CDKL5: variants seen among roughly 807,000 people sequenced by gnomAD.
CDKL5 encodes the protein cyclin-dependent kinase-like 5.
Under a neutral mutation model 61.7 loss-of-function variants are expected in CDKL5, and 8 were observed. That is an observed-to-expected ratio of 0.13 (90% CI 0.08 to 0.23). The LOEUF (loss-of-function observed/expected upper bound fraction) is 0.23. Among genes scored for constraint, CDKL5 ranks in the 10% least tolerant of loss-of-function variants. CDKL5 has a pLI of 1.00. For missense variants in CDKL5, 440 were observed against 734.5 expected, an observed-to-expected ratio of 0.60 and a Z score of 4.63; for synonymous variants, 275 against 272.3, an observed-to-expected ratio of 1.01 and a Z score of -0.10.
At chrX:18,623,433 A>AT (rs895099008) in intron 16 of CDKL5, among the ~76,000 whole-genome samples, 24 of 110,884 alleles carry the variant, frequency 2.2e-4, no homozygotes, top group Non-Finnish European at 7.6e-5. Context: ...GTATGTTGGG[A>AT]TTTTTTTTCT....
chrX:18,459,844 A>G (rs1420511074), intron 1 of CDKL5, among the ~76,000 whole-genome samples: 1 of 102,203 alleles, frequency 9.8e-6, no homozygotes, highest in Non-Finnish European at 2.0e-5. Flanking sequence ...AGCTGGGACT[A>G]CAGGTGCATG....
intron 21 of CDKL5, among the ~76,000 whole-genome samples, chrX:18,651,957 G>GC (rs1475305187): frequency 1.8e-5 from 2 of 109,992 alleles, no homozygotes; most frequent in African/African-American, 6.6e-5. Context: ...CCTCCGCCTG[G>GC]CCCCCCATGC....
At chrX:18,517,027 G>C (rs1602236382) in intron 3 of CDKL5, among the ~76,000 whole-genome samples, 2 of 111,943 alleles carry the variant, frequency 1.8e-5, no homozygotes, top group African/African-American at 3.2e-5. Context: ...GTGAGCACCT[G>C]GCCTGACCTA....
chrX:18,427,609 T>C (rs1405677326), intron 1 of CDKL5, among the ~76,000 whole-genome samples: 3 of 111,589 alleles, frequency 2.7e-5, no homozygotes, highest in Non-Finnish European at 3.8e-5. Context: ...ACATAGTCAA[T>C]GCAGCGATTA....
At chrX:18,484,335 G>T (rs1412395722) in intron 1 of CDKL5, among the ~76,000 whole-genome samples, 1 of 109,684 alleles carries the variant, frequency 9.1e-6, no homozygotes, top group East Asian at 2.9e-4. Flanking sequence ...TTTTGGGGGG[G>T]GGACAGTCTC....
chrX:18,616,974 A>G (rs751246554), intron 15 of CDKL5, among the ~76,000 whole-genome samples: 1 of 111,224 alleles, frequency 9.0e-6, no homozygotes, highest in East Asian at 2.8e-4. Context: ...CTAGCTGTCA[A>G]ACCTGTCCCC....
In CDKL5 at chrX:18,635,725, AAG is replaced by A. The variant is rs1243718895; in HGVS notation, c.*6973_*6974del. 2 of 417,178 alleles carry A rather than the reference AAG, an allele frequency of 4.8e-6. No individual in the cohort carries two copies. Among genetic ancestry groups the A allele is most frequent in the Admixed American group, 1.8e-4 (2 of 10,945 alleles). The allele number at this position is 417,178 out of a possible 1,213,427, so 34.4% of individuals were successfully genotyped here. A position where few individuals can be genotyped will look rare whatever the true frequency, so the allele number is the denominator to read the frequency against. On this transcript the variant is annotated 3_prime_UTR_variant, in exon 18 of 18. Coordinates refer to ENST00000623535, the MANE Select transcript of CDKL5 (RefSeq NM_001323289.2). Reference sequence around the variant, plus strand: ...CACGTGGTAGTTTGAGGAGGATGGGAAGAGAGGCCAATCTTGTGCTAAGTGCT... The same window carrying A: ...CACGTGGTAGTTTGAGGAGGATGGGAAGAGGCCAATCTTGTGCTAAGTGCT...
chrX:18,537,736 T>C (rs1215370190), intron 3 of CDKL5, among the ~76,000 whole-genome samples: 1 of 112,579 alleles, frequency 8.9e-6, no homozygotes, highest in Non-Finnish European at 1.9e-5. Context: ...TCAAGAATGC[T>C]ATTTTAGTGG....
At chrX:18,609,386 C>A in intron 13 of CDKL5, 79 bp from the exon 14 acceptor site, 1 of 1,200,506 alleles carries the variant, frequency 8.3e-7, no homozygotes, top group South Asian at 1.8e-5. Context: ...AGAGTGAGAC[C>A]CTGTCTCAAG....
At chrX:18,652,684 G>A (rs1928105401) in intron 21 of CDKL5, among the ~76,000 whole-genome samples, 1 of 110,936 alleles carries the variant, frequency 9.0e-6, no homozygotes, top group Non-Finnish European at 1.9e-5. Flanking sequence ...AAAAAACTAA[G>A]GGGATCCTTA....
chrX:18,650,944 C>T (rs755648533), intron 21 of CDKL5, among the ~76,000 whole-genome samples: 174 of 112,087 alleles, frequency 1.6e-3, no homozygotes, highest in Non-Finnish European at 2.1e-3. Context: ...TTGTAGAGTT[C>T]GTAGAGCACA....
At chrX:18,527,730 AT>A (rs1014239850) in intron 3 of CDKL5, among the ~76,000 whole-genome samples, 5 of 110,630 alleles carry the variant, frequency 4.5e-5, no homozygotes, top group Admixed American at 9.6e-5. Flanking sequence ...GTAATTAAAA[AT>A]TTTTTTTCTT....
At position 18,509,245 on chromosome X, in the gene CDKL5, A is replaced by ACACACC. The variant is rs796171313; in HGVS notation, c.65-1574_65-1573insACACCC. On this transcript the variant is annotated intron_variant, in intron 2 of 17. Coordinates refer to ENST00000623535, the MANE Select transcript of CDKL5 (RefSeq NM_001323289.2). ...CACACACACACACACACACACACAC[A>ACACACC]CCCCTGTCAAGCAAACTCTGCATTC... is the stretch of plus-strand genomic sequence containing the variant. 6.2e-3 allele frequency among the ~76,000 whole-genome samples: 593 copies of ACACACC among 95,335 alleles called. 19 individuals are homozygous for ACACACC. The highest frequency in any genetic ancestry group is 0.041 in the Admixed American group (328 of 7,983). The allele number at this position is 95,335 out of a possible 115,157, so 82.8% of individuals were successfully genotyped here.
At chrX:18,586,723 G>C (rs1925654699) in intron 8 of CDKL5, among the ~76,000 whole-genome samples, 1 of 111,711 alleles carries the variant, frequency 9.0e-6, no homozygotes. Context: ...AATCATTCCA[G>C]CTGCATAAAT....
rs753399172 is a variant in CDKL5 at position 18,506,223 on chromosome X, G to A, written c.-162-712G>A. ...ACAAAAATATGCCCTAGGCTCCTAT[G>A]GTCCTTCTCCTGCCCCACCCTTGGA... On this transcript the variant is annotated intron_variant, in intron 1 of 17. Coordinates refer to ENST00000623535, the MANE Select transcript of CDKL5 (RefSeq NM_001323289.2). 2.7e-5 allele frequency among the ~76,000 whole-genome samples: 3 copies of A among 111,520 alleles called. No individual in the cohort carries two copies. The East Asian group carries it at 8.5e-4, about 32-fold the overall frequency.
chrX:18,554,765 A>C (rs770577191), intron 3 of CDKL5, among the ~76,000 whole-genome samples: 43 of 111,683 alleles, frequency 3.9e-4, no homozygotes, highest in African/African-American at 1.3e-3. Context: ...AGTTATTATA[A>C]AACTAATCAT....
intron 3 of CDKL5, among the ~76,000 whole-genome samples, chrX:18,532,510 A>G (rs1923683470): frequency 9.0e-6 from 1 of 111,527 alleles, no homozygotes; most frequent in Non-Finnish European, 1.9e-5. Flanking sequence ...GAGACTAAGC[A>G]CGGCTTAAAT....
intron 1 of CDKL5, among the ~76,000 whole-genome samples, chrX:18,435,264 A>G (rs1931585891): frequency 8.9e-6 from 1 of 111,850 alleles, no homozygotes; most frequent in Non-Finnish European, 1.9e-5. Context: ...ATTAACTTTA[A>G]TTGCTAGTAA....
chrX:18,615,274 T>A (rs1003775321), intron 15 of CDKL5, among the ~76,000 whole-genome samples: 1 of 112,405 alleles, frequency 8.9e-6, no homozygotes, highest in Non-Finnish European at 1.9e-5. Flanking sequence ...TGTCATTAGT[T>A]CAACTTGACT....
Sources: allele counts gnomAD v4.1 joint callset (sites outside exome capture counted in the v4.1 genomes callset), GRCh38; gene constraint gnomAD v4.1.1; transcripts MANE v1.5; gene names NCBI Gene and HGNC (gene_info 2026-07-23, HGNC 2026-07-21).